Variants in KLF12 observed in about 807,000 individuals in gnomAD.
KLF12 encodes KLF transcription factor 12, also known as Krueppel-like factor 12.
Under a neutral mutation model 37.8 loss-of-function variants are expected in KLF12, and 9 were observed. That is an observed-to-expected ratio of 0.24 (90% CI 0.14 to 0.42). The LOEUF (loss-of-function observed/expected upper bound fraction) is 0.42. Ranked by LOEUF, KLF12 falls within the 10% of genes least tolerant of loss-of-function variation. KLF12 has a pLI of 1.00. For missense variants in KLF12, 411 were observed against 516.0 expected, an observed-to-expected ratio of 0.80 and a Z score of 1.97; for synonymous variants, 208 against 202.1, an observed-to-expected ratio of 1.03 and a Z score of -0.25.
At position 73,772,619 on chromosome 13, in the gene KLF12, G is replaced by C. The variant is rs9543457; in HGVS notation, c.807-7619C>G. Among the ~76,000 whole-genome samples, 632 of 152,330 alleles carry C rather than the reference G, an allele frequency of 4.1e-3. 4 individuals are homozygous for C. Among genetic ancestry groups the C allele is most frequent in the Non-Finnish European group, 7.2e-3 (493 of 68,040 alleles). On this transcript the variant is annotated intron_variant, in intron 5 of 7. Transcript: ENST00000377669. ...TTGGTGTAGACAACCAGAGGGAAAG[G>C]TTTAGCGAGCCTGGAGGGGCAGGAG...
intron 1 of KLF12, among the ~76,000 whole-genome samples, chr13:74,076,640 T>A (rs1874579972): frequency 6.6e-6 from 1 of 152,218 alleles, no homozygotes; most frequent in African/African-American, 2.4e-5. Context: ...AATTTCCTTT[T>A]TATTTTTTAA....
chr13:73,984,950 T>A (rs1376389492), intron 2 of KLF12, among the ~76,000 whole-genome samples: 1 of 152,192 alleles, frequency 6.6e-6, no homozygotes, highest in Non-Finnish European at 1.5e-5. Context: ...CCTGTCTTTA[T>A]AATCACCTGG....
At chr13:74,146,481 CG>C in the KLF12 span, among the ~76,000 whole-genome samples, 1 of 151,908 alleles carries the variant, frequency 6.6e-6, no homozygotes, top group Non-Finnish European at 1.5e-5. Context: ...AGACTGTTGC[CG>C]AAACACTGGG....
intron 1 of KLF12, among the ~76,000 whole-genome samples, chr13:74,052,352 T>G (rs1402377693): frequency 1.3e-5 from 2 of 152,134 alleles, no homozygotes; most frequent in African/African-American, 2.4e-5. Flanking sequence ...TGCTACTCAT[T>G]AGATAATTCT....
the KLF12 span, among the ~76,000 whole-genome samples, chr13:74,142,258 GAC>G: frequency 1.3e-5 from 2 of 152,158 alleles, no homozygotes; most frequent in African/African-American, 2.4e-5. Flanking sequence ...TTGAGCAATG[GAC>G]ATTAATTTTT....
intron 1 of KLF12, among the ~76,000 whole-genome samples, chr13:74,015,953 G>T (rs1019989446): frequency 6.6e-6 from 1 of 152,066 alleles, no homozygotes; most frequent in African/African-American, 2.4e-5. Flanking sequence ...AGGCATTAGA[G>T]ATATGGACAT....
intron 6 of KLF12, among the ~76,000 whole-genome samples, chr13:73,730,876 T>C (rs973758190): frequency 2.6e-5 from 4 of 152,176 alleles, no homozygotes; most frequent in Non-Finnish European, 4.4e-5. Context: ...ACAGACTGAA[T>C]GTTTCCTTAC....
At chr13:73,815,636 A>G (rs1402975251) in intron 4 of KLF12, among the ~76,000 whole-genome samples, 1 of 152,234 alleles carries the variant, frequency 6.6e-6, no homozygotes, top group African/African-American at 2.4e-5. Context: ...TGTTGCATAC[A>G]CCTGTAAATG....
At chr13:74,190,596 T>A in the KLF12 span, among the ~76,000 whole-genome samples, 1 of 152,232 alleles carries the variant, frequency 6.6e-6, no homozygotes, top group East Asian at 1.9e-4. Context: ...GTTTCTAATC[T>A]GCTTCCTCAA....
the KLF12 span, among the ~76,000 whole-genome samples, chr13:74,166,198 T>G: frequency 6.7e-6 from 1 of 149,948 alleles, no homozygotes; most frequent in African/African-American, 2.4e-5. Context: ...GCTCAGGTGA[T>G]CCTGCCACCT....
At chr13:74,260,719 G>C in the KLF12 span, among the ~76,000 whole-genome samples, 1 of 151,886 alleles carries the variant, frequency 6.6e-6, no homozygotes, top group Non-Finnish European at 1.5e-5. Flanking sequence ...ATTTGGAAGA[G>C]TAATGAAGGT....
chr13:74,205,517 T>C, the KLF12 span, among the ~76,000 whole-genome samples: 1 of 152,124 alleles, frequency 6.6e-6, no homozygotes, highest in African/African-American at 2.4e-5. Flanking sequence ...AAGAAAAATA[T>C]TATCTAAAAA....
intron 4 of KLF12, among the ~76,000 whole-genome samples, chr13:73,818,510 C>T (rs1205124163): frequency 6.6e-6 from 1 of 152,364 alleles, no homozygotes; most frequent in East Asian, 1.9e-4. Flanking sequence ...TTCATTCTCA[C>T]CTCCCCTCAC....
intron 4 of KLF12, among the ~76,000 whole-genome samples, chr13:73,835,169 A>G (rs1156390136): frequency 6.6e-6 from 1 of 151,490 alleles, no homozygotes; most frequent in African/African-American, 2.4e-5. Flanking sequence ...TTCAGGTTTG[A>G]GTTTTACTTA....
intron 1 of KLF12, among the ~76,000 whole-genome samples, chr13:74,107,130 T>C (rs1346727460): frequency 6.6e-6 from 1 of 152,196 alleles, no homozygotes; most frequent in Non-Finnish European, 1.5e-5. Context: ...GGGTGCTCCC[T>C]TGAATTATTT....
chr13:74,184,496 A>C, the KLF12 span, among the ~76,000 whole-genome samples: 1 of 152,226 alleles, frequency 6.6e-6, no homozygotes, highest in Non-Finnish European at 1.5e-5. Context: ...AATCTTTAAC[A>C]TGTATTTATG....
chr13:74,217,044 A>T, the KLF12 span, among the ~76,000 whole-genome samples: 1 of 152,336 alleles, frequency 6.6e-6, no homozygotes, highest in East Asian at 1.9e-4. Flanking sequence ...ATTTTTAAAA[A>T]TAGACTCCCT....
At chr13:74,178,026 A>G in the KLF12 span, among the ~76,000 whole-genome samples, 2 of 152,176 alleles carry the variant, frequency 1.3e-5, no homozygotes, top group Non-Finnish European at 1.5e-5. Context: ...TCACATACAA[A>G]AATCTGGAGT....
chr13:73,950,531 G>A (rs755184669), intron 2 of KLF12, among the ~76,000 whole-genome samples: 1 of 152,166 alleles, frequency 6.6e-6, no homozygotes, highest in Non-Finnish European at 1.5e-5. Flanking sequence ...TTGTGAGTTG[G>A]CTAAATCTTT....
Sources: allele counts gnomAD v4.1 joint callset (sites outside exome capture counted in the v4.1 genomes callset), GRCh38; gene constraint gnomAD v4.1.1; transcripts MANE v1.5; gene names NCBI Gene and HGNC (gene_info 2026-07-23, HGNC 2026-07-21).